The following ACACA variants were observed in gnomAD, a reference collection of about 807,000 sequenced individuals.
The protein encoded by ACACA is acetyl-CoA carboxylase 1.
Under a neutral mutation model 296.1 loss-of-function variants are expected in ACACA, and 103 were observed. The ratio of observed to expected loss-of-function variants is 0.35; its 90% CI spans 0.30 to 0.41. The LOEUF is 0.41. Among genes scored for constraint, ACACA ranks in the 10% least tolerant of loss-of-function variants. ACACA has a pLI of 1.00. For synonymous variants in ACACA, 953 were observed against 1,038.6 expected, an observed-to-expected ratio of 0.92 and a Z score of 1.58; for missense variants, 1,554 against 2,989.7, an observed-to-expected ratio of 0.52 and a Z score of 11.20.
chr17:37,160,518 T>C (rs1328207117), intron 42 of ACACA, among the ~76,000 whole-genome samples: 3 of 152,166 alleles, frequency 2.0e-5, no homozygotes, highest in Non-Finnish European at 2.9e-5. Flanking sequence ...GGGAGAGATG[T>C]GAAACCGTCA....
chr17:37,356,670 G>A (rs1350729705), intron 1 of ACACA, among the ~76,000 whole-genome samples: 3 of 152,030 alleles, frequency 2.0e-5, no homozygotes, highest in South Asian at 2.1e-4. Flanking sequence ...GAGCCACCGC[G>A]CCCGGCAGCT....
At chr17:37,329,249 A>C (rs570410894) in intron 3 of ACACA, among the ~76,000 whole-genome samples, 2 of 152,338 alleles carry the variant, frequency 1.3e-5, no homozygotes, top group Admixed American at 1.3e-4. Flanking sequence ...AAGTCCTATC[A>C]ATCATCAAGA....
At chr17:37,175,684 T>G (rs1048967653) in intron 41 of ACACA, among the ~76,000 whole-genome samples, 3 of 152,186 alleles carry the variant, frequency 2.0e-5, no homozygotes, top group Non-Finnish European at 4.4e-5. Context: ...CTTGGACAAC[T>G]CATCTTTGGA....
At chr17:37,244,548 C>A (rs551357501) in intron 21 of ACACA, 40 bp downstream of exon 21, 1 of 1,609,536 alleles carries the variant, frequency 6.2e-7, no homozygotes, top group South Asian at 1.1e-5. Context: ...GAATAGGTAT[C>A]CCATTTGTAC....
chr17:37,356,658 G>A (rs190404724), intron 1 of ACACA, among the ~76,000 whole-genome samples: 40 of 152,250 alleles, frequency 2.6e-4, no homozygotes, highest in African/African-American at 8.4e-4. Flanking sequence ...GATTACAGGA[G>A]TGAGCCACCG....
chr17:37,370,071 C>T (rs984269305), intron 1 of ACACA, among the ~76,000 whole-genome samples: 2 of 149,546 alleles, frequency 1.3e-5, no homozygotes, highest in Non-Finnish European at 3.0e-5. Context: ...TGCAGTGGCC[C>T]AATCTCGGCT....
rs1159143865 is a variant in ACACA at position 37,260,304 on chromosome 17, T to A, written c.1330-774A>T. Among the ~76,000 whole-genome samples, 141 of 61,696 alleles carry A rather than the reference T, an allele frequency of 2.3e-3. 1 individual carries two copies. The highest frequency in any genetic ancestry group is 0.012 in the African/African-American group (129 of 10,400). The allele number at this position is 61,696 out of a possible 152,430, so 40.5% of individuals were successfully genotyped here. ...TATATATATATATATATATTTTTTT[T>A]TTTTTTTTTTTTGGAGATGGAGTCT... On this transcript the variant is annotated intron_variant, in intron 11 of 55. Coordinates refer to ENST00000616317, the MANE Select transcript of ACACA (RefSeq NM_198834.3).
intron 9 of ACACA, 40 bp downstream of exon 9, chr17:37,274,153 G>C (rs2082178475): frequency 6.5e-7 from 1 of 1,530,028 alleles, no homozygotes; most frequent in Non-Finnish European, 9.1e-7. Context: ...ACTATAACTG[G>C]TCAGCTGAAA....
Position 37,390,175 on chromosome 17 carries a change from T to TATATATATATAC in ACACA, c.38+16086_38+16087insGTATATATATAT, listed in dbSNP as rs60788220. Among the ~76,000 whole-genome samples the TATATATATATAC allele has an allele frequency of 8.5e-4, 38 of 44,506 alleles. 1 individual carries two copies. The highest frequency in any genetic ancestry group is 3.6e-3 in the African/African-American group (31 of 8,586). 29.2% of individuals were successfully genotyped at this position (44,506 alleles called of 152,430 possible). A position where few individuals can be genotyped will look rare whatever the true frequency, so the allele number is the denominator to read the frequency against. The stretch of plus-strand genomic sequence containing the variant: ...ATATATATATATATATATATATATA[T>TATATATATATAC]ACACACACACATTATATATAAATAT... On this transcript the variant is annotated intron_variant, in intron 1 of 55. Coordinates refer to ENST00000616317, the MANE Select transcript of ACACA (RefSeq NM_198834.3).
intron 35 of ACACA, among the ~76,000 whole-genome samples, chr17:37,193,985 G>A (rs1350203683): frequency 5.3e-5 from 8 of 152,092 alleles, no homozygotes; most frequent in African/African-American, 1.4e-4. Flanking sequence ...AAAGAATAAG[G>A]TTAGAACTAG....
intron 8 of ACACA, chr17:37,274,505 G>A: frequency 4.2e-6 from 3 of 713,908 alleles, no homozygotes; most frequent in Non-Finnish European, 5.2e-6. Context: ...CTTAACGCTG[G>A]CAAAAGCCAG....
chr17:37,313,187 T>G (rs1372763131), intron 3 of ACACA, among the ~76,000 whole-genome samples: 1 of 151,994 alleles, frequency 6.6e-6, no homozygotes, highest in Non-Finnish European at 1.5e-5. Flanking sequence ...GAATAGCTAA[T>G]GGATACTGGG....
chr17:37,385,940 C>A (rs2147773613), intron 1 of ACACA: 1 of 1,042,172 alleles, frequency 9.6e-7, no homozygotes, highest in East Asian at 2.6e-5. Flanking sequence ...GGCAGGGTTT[C>A]ATCAGATAAA....
Position 37,085,299 on chromosome 17 carries a change from A to C in ACACA, c.*2017T>G, listed in dbSNP as rs902541172. 1 of 256,146 alleles carries C rather than the reference A, an allele frequency of 3.9e-6. No individual in the cohort carries two copies. The highest frequency in any genetic ancestry group is 2.2e-5 in the African/African-American group (1 of 45,062). The allele number at this position is 256,146 out of a possible 1,614,324, so 15.9% of individuals were successfully genotyped here. On this transcript the variant is annotated 3_prime_UTR_variant, in exon 56 of 56. Coordinates refer to ENST00000616317, the MANE Select transcript of ACACA (RefSeq NM_198834.3). ...AGACCTACAGTAAGGAGCTCTGGGG[A>C]TGGGGGAGGAGGCATTACAGGGTTC...
Position 37,200,168 on chromosome 17 carries a change from C to A in ACACA, c.4129G>T (p.Val1377Phe). 4 of 1,608,792 alleles carry A rather than the reference C, an allele frequency of 2.5e-6. No homozygotes were observed. The highest frequency in any genetic ancestry group is 3.4e-6 in the Non-Finnish European group (4 of 1,175,320). The change falls in exon 35 of 56, where the codon GTC (valine) becomes TTC (phenylalanine). Residue 1377 changes from valine (V) to phenylalanine (F), a missense_variant. By Grantham distance (50) the Val-to-Phe change is conservative (BLOSUM62 -1). Around this residue, in one of 16 missense-constraint regions of ACACA, gnomAD observed 179 missense variants for 283.2 expected, o/e 0.63. Coordinates refer to ENST00000616317, the MANE Select transcript of ACACA (RefSeq NM_198834.3). ...LVAQKDFRKQVNYEVDRRFHR... is the reference protein window; with the variant it reads ...LVAQKDFRKQFNYEVDRRFHR... ...AATCTCCGATCCACCTCATAGTTGA[C>A]CTGCTTTCTGAAATCCTTTCAAATA... is the stretch of plus-strand genomic sequence containing the variant.
intron 37 of ACACA, 145 bp downstream of exon 37, chr17:37,191,945 G>C: frequency 1.2e-6 from 1 of 821,680 alleles, no homozygotes; most frequent in East Asian, 2.7e-5. Context: ...CATTGAAATA[G>C]AACAAGAACC....
chr17:37,272,582 T>C (rs546650115), intron 9 of ACACA, among the ~76,000 whole-genome samples: 12 of 151,844 alleles, frequency 7.9e-5, no homozygotes, highest in African/African-American at 2.9e-4. Context: ...AAAGGGGGTA[T>C]CCCATAGGAG....
intron 45 of ACACA, chr17:37,144,176 AC>A: frequency 1.3e-6 from 1 of 741,648 alleles, no homozygotes; most frequent in South Asian, 1.4e-5. Context: ...TTCTTAGAAA[AC>A]TGAGAAGTTG....
At chr17:37,369,680 G>C (rs1488153140) in intron 1 of ACACA, among the ~76,000 whole-genome samples, 2 of 151,806 alleles carry the variant, frequency 1.3e-5, no homozygotes, top group Admixed American at 1.3e-4. Flanking sequence ...CATTTGTGAT[G>C]GCAAGAATCT....
Sources: allele counts gnomAD v4.1 joint callset (sites outside exome capture counted in the v4.1 genomes callset), GRCh38; gene constraint gnomAD v4.1.1; regional missense constraint gnomAD v4.1.1; transcripts MANE v1.5; gene names NCBI Gene and HGNC (gene_info 2026-07-23, HGNC 2026-07-21).